SETDB1: variants seen among roughly 807,000 people sequenced by gnomAD.
The protein encoded by SETDB1 is SET domain bifurcated histone lysine methyltransferase 1.
In SETDB1, 31 loss-of-function variants were observed where a neutral mutation model predicts 137.4. The observed-to-expected ratio is 0.23, with a 90% CI of 0.17 to 0.30. The LOEUF (loss-of-function observed/expected upper bound fraction) is 0.30. Among genes scored for constraint, SETDB1 ranks in the 10% least tolerant of loss-of-function variants. SETDB1 has a pLI of 1.00. For synonymous variants in SETDB1, 548 were observed against 579.9 expected, an observed-to-expected ratio of 0.95 and a Z score of 0.79; for missense variants, 1,113 against 1,631.5, an observed-to-expected ratio of 0.68 and a Z score of 5.47.
intron 3 of SETDB1, among the ~76,000 whole-genome samples, chr1:150,932,238 A>T (rs1336982970): frequency 1.3e-5 from 2 of 151,026 alleles, no homozygotes; most frequent in African/African-American, 2.4e-5. Flanking sequence ...TTTTTTTTAA[A>T]AAAAAAGAAA....
intron 3 of SETDB1, among the ~76,000 whole-genome samples, chr1:150,939,103 C>T (rs1291315495): frequency 2.0e-5 from 3 of 151,506 alleles, no homozygotes; most frequent in East Asian, 2.0e-4. Flanking sequence ...CCTGCTACCA[C>T]GCTTGGCTAA....
Position 150,964,400 on chromosome 1 carries a change from G to C in SETDB1, c.*36G>C, listed in dbSNP as rs781212062. On this transcript the variant is annotated 3_prime_UTR_variant, in exon 22 of 22. Transcript: ENST00000692827. ...TCTTCCCAACCCTTCTTGAACTGTC[G>C]TTTCCTCAGGAACTGGGTCTTCCTG... The C allele has an allele frequency of 6.8e-7, 1 of 1,479,554 alleles. No homozygotes were observed. The highest frequency in any genetic ancestry group is 2.3e-5 in the East Asian group (1 of 43,916). 91.7% of individuals were successfully genotyped at this position (1,479,554 alleles called of 1,614,324 possible).
In SETDB1 at chr1:150,938,882, G is replaced by A. The variant is rs144093367; in HGVS notation, c.413-1058G>A. ...TACTCTGTCACCTGTAGTCCCAGCCGCTTTGGAGGTTGAGGCAGGTGAATC... is the reference window on the plus strand; with the variant it reads ...TACTCTGTCACCTGTAGTCCCAGCCACTTTGGAGGTTGAGGCAGGTGAATC... On this transcript the variant is annotated intron_variant, in intron 3 of 21. Coordinates refer to ENST00000692827, the MANE Select transcript of SETDB1 (RefSeq NM_001366418.1). Among the ~76,000 whole-genome samples the A allele has an allele frequency of 1.7e-4, 25 of 144,668 alleles. No individual in the cohort carries two copies. The East Asian group carries it at 5.1e-3, about 29-fold the overall frequency. The allele number at this position is 144,668 out of a possible 152,430, so 94.9% of individuals were successfully genotyped here.
intron 18 of SETDB1, 73 bp downstream of exon 18, chr1:150,962,792 T>TA: frequency 4.6e-6 from 7 of 1,534,648 alleles, no homozygotes; most frequent in Non-Finnish European, 6.3e-6. Context: ...AGTCCTTCAC[T>TA]ATAATTACTG....
chr1:150,955,990 G>A (rs1192752584), intron 14 of SETDB1, among the ~76,000 whole-genome samples: 1 of 151,246 alleles, frequency 6.6e-6, no homozygotes. Context: ...TACTCAGGAG[G>A]CTGAGATGGG....
chr1:150,928,071 G>A, intron 2 of SETDB1, 97 bp downstream of exon 2: 1 of 1,418,526 alleles, frequency 7.0e-7, no homozygotes, highest in Non-Finnish European at 9.7e-7. Context: ...TTTATTTTAT[G>A]TTTTGAGACG....
chr1:150,933,111 G>A (rs1054838359), intron 3 of SETDB1, among the ~76,000 whole-genome samples: 2 of 152,096 alleles, frequency 1.3e-5, no homozygotes, highest in African/African-American at 4.8e-5. Context: ...CCAGGCTGGA[G>A]TGTGATAGCA....
intron 14 of SETDB1, among the ~76,000 whole-genome samples, chr1:150,954,848 A>C (rs2102731348): frequency 6.6e-6 from 1 of 152,302 alleles, no homozygotes; most frequent in South Asian, 2.1e-4. Flanking sequence ...CTTCTCAGAA[A>C]GTTTCTGGAA....
intron 3 of SETDB1, among the ~76,000 whole-genome samples, chr1:150,935,544 A>T: frequency 6.6e-6 from 1 of 151,076 alleles, no homozygotes. Flanking sequence ...ATTTTTCTTC[A>T]ATTTTCTCTC....
At chr1:150,942,413 A>G (rs1571638878) in intron 5 of SETDB1, 150 bp from the exon 6 acceptor site, 1 of 607,142 alleles carries the variant, frequency 1.6e-6, no homozygotes, top group Admixed American at 3.3e-5. Flanking sequence ...GCACCACTGC[A>G]CTCCAGCCTG....
intron 3 of SETDB1, among the ~76,000 whole-genome samples, chr1:150,936,760 A>G (rs587622221): frequency 2.6e-5 from 4 of 152,142 alleles, no homozygotes; most frequent in Non-Finnish European, 4.4e-5. Flanking sequence ...ATCATAGCTC[A>G]CTTCGACTTC....
At chr1:150,943,111 T>C in intron 7 of SETDB1, 58 bp downstream of exon 7, 1 of 1,254,140 alleles carries the variant, frequency 8.0e-7, no homozygotes, top group Non-Finnish European at 1.2e-6. Context: ...CCTGCCCTGT[T>C]CGTGCCATAG....
chr1:150,943,097 A>G (rs1670212748), intron 7 of SETDB1, 44 bp downstream of exon 7: 1 of 1,419,702 alleles, frequency 7.0e-7, no homozygotes, highest in Non-Finnish European at 9.9e-7. Flanking sequence ...CTGGGAGCAC[A>G]GCACCTGCCC....
chr1:150,930,150 A>G, intron 3 of SETDB1, 32 bp downstream of exon 3: 1 of 1,577,908 alleles, frequency 6.3e-7, no homozygotes, highest in African/African-American at 1.4e-5. Context: ...GGAGAGTCTC[A>G]GGACTGAAGT....
In SETDB1 at chr1:150,961,096, G is replaced by A; in HGVS notation, c.3037G>A (p.Gly1013Ser). ...CTTCAAGACTAATGAAGGTGGGGAGGGCCGGGCTGGGGGAAGCCGAATGGA... is the reference window on the plus strand; with the variant it reads ...CTTCAAGACTAATGAAGGTGGGGAGAGCCGGGCTGGGGGAAGCCGAATGGA... ...SSFKTNEGGEGRAGGSRMEAE... is the reference protein window; with the variant it reads ...SSFKTNEGGESRAGGSRMEAE... Residue 1013 changes from glycine (G) to serine (S), a missense_variant, in exon 16 of 22, where the codon GGC becomes AGC. Gly to Ser is a moderately conservative substitution (Grantham distance 56). Coordinates refer to ENST00000692827, the MANE Select transcript of SETDB1 (RefSeq NM_001366418.1). 1 of 1,614,052 alleles carries A rather than the reference G, an allele frequency of 6.2e-7. No homozygotes were observed. The highest frequency in any genetic ancestry group is 8.5e-7 in the Non-Finnish European group (1 of 1,179,966).
rs1374041211 is a variant in SETDB1, at chr1:150,950,877, A to T, written c.2003A>T (p.Asp668Val). Residue 668 changes from aspartate to valine, a missense_variant, in exon 13 of 22, where the codon GAC becomes GTC. Around this residue, in one of 11 missense-constraint regions of SETDB1, gnomAD observed 55 missense variants for 118.5 expected, o/e 0.46. Coordinates refer to ENST00000692827, the MANE Select transcript of SETDB1 (RefSeq NM_001366418.1). The stretch of plus-strand genomic sequence containing the variant: ...TGTTTGGATCCATATGTTCTTGTGG[A>T]CCGAAAGTTTCAGCCCTATAAGCCT... The part of the protein sequence containing the change: ...MFCLDPYVLV[D>V]RKFQPYKPFY... The T allele has an allele frequency of 3.7e-6, 6 of 1,613,894 alleles. No homozygotes were observed. Among genetic ancestry groups the T allele is most frequent in the Admixed American group, 3.3e-5 (2 of 59,974 alleles).
At chr1:150,960,064 ACT>A (rs1169832380) in intron 15 of SETDB1, among the ~76,000 whole-genome samples, 2 of 143,278 alleles carry the variant, frequency 1.4e-5, no homozygotes, top group African/African-American at 5.2e-5. Context: ...CAAAAGCGAA[ACT>A]CTGTCTCAAA....
At chr1:150,931,507 C>T (rs1325910426) in intron 3 of SETDB1, among the ~76,000 whole-genome samples, 1 of 151,148 alleles carries the variant, frequency 6.6e-6, no homozygotes, top group Non-Finnish European at 1.5e-5. Context: ...ATGGCGTGAA[C>T]CCAGGAGGTG....
Position 150,942,847 on chromosome 1 carries a change from C to T in SETDB1, c.674-5C>T, listed in dbSNP as rs751653021. 2.9e-5 allele frequency: 47 copies of T among 1,613,554 alleles called. No individual in the cohort carries two copies. The highest frequency in any genetic ancestry group is 9.9e-5 in the South Asian group (9 of 91,076). Reference sequence around the variant, plus strand: ...TAAAAAGATTTATCTTTCCCTTTTACTCAGGGCCAGGGAAGAAATACAAGG... The same window carrying T: ...TAAAAAGATTTATCTTTCCCTTTTATTCAGGGCCAGGGAAGAAATACAAGG... On this transcript the variant is annotated splice_polypyrimidine_tract_variant and splice_region_variant and intron_variant, in intron 6 of 21. Coordinates refer to ENST00000692827, the MANE Select transcript of SETDB1 (RefSeq NM_001366418.1).
Sources: gnomAD v4.1 joint callset for allele counts (sites outside exome capture counted in the v4.1 genomes callset) on GRCh38, gnomAD v4.1.1 for gene constraint, gnomAD v4.1.1 regional missense constraint, MANE v1.5 for transcripts, NCBI Gene and HGNC (gene_info 2026-07-23, HGNC 2026-07-21) for gene names.